The following CNKSR2 variants were observed in gnomAD, a reference collection of about 807,000 sequenced individuals.
CNKSR2 encodes connector enhancer of kinase suppressor of Ras 2.
In CNKSR2, 14 loss-of-function variants were observed where a neutral mutation model predicts 84.4. That is an observed-to-expected ratio of 0.17 (90% CI 0.11 to 0.26). The LOEUF (loss-of-function observed/expected upper bound fraction) is 0.26. Among genes scored for constraint, CNKSR2 ranks in the 10% least tolerant of loss-of-function variants. The pLI, the probability that CNKSR2 is intolerant of heterozygous loss-of-function variation, is 1.00. For missense variants in CNKSR2, 485 were observed against 771.2 expected (o/e 0.63, Z 4.40); for synonymous variants, 275 against 277.9 (o/e 0.99, Z 0.10).
intron 1 of CNKSR2, among the ~76,000 whole-genome samples, chrX:21,397,446 T>A (rs2090135338): frequency 9.0e-6 from 1 of 111,471 alleles, no homozygotes; most frequent in African/African-American, 3.3e-5. Flanking sequence ...GTCCCTTGTG[T>A]TTTATAATAC....
intron 4 of CNKSR2, among the ~76,000 whole-genome samples, chrX:21,444,289 A>G (rs1388563944): frequency 1.8e-5 from 2 of 111,374 alleles, no homozygotes; most frequent in African/African-American, 6.5e-5. Flanking sequence ...GATTATAGAT[A>G]TTATATTTTA....
chrX:21,599,107 T>C (rs1344777810), intron 17 of CNKSR2, among the ~76,000 whole-genome samples: 1 of 112,437 alleles, frequency 8.9e-6, no homozygotes, highest in Non-Finnish European at 1.9e-5. Flanking sequence ...AACTTTCAAT[T>C]GTCTTGTGAA....
chrX:21,624,378 A>C (rs753907994), intron 20 of CNKSR2, among the ~76,000 whole-genome samples: 1 of 112,135 alleles, frequency 8.9e-6, no homozygotes, highest in African/African-American at 3.2e-5. Context: ...TTGTACTTGC[A>C]ATTGAGTGTA....
At chrX:21,551,890 A>G (rs1183009457) in intron 11 of CNKSR2, among the ~76,000 whole-genome samples, 1 of 111,314 alleles carries the variant, frequency 9.0e-6, no homozygotes, top group African/African-American at 3.3e-5. Flanking sequence ...TTTTTAATTG[A>G]AAGAACCTGG....
chrX:21,585,359 G>A (rs1380727438), intron 13 of CNKSR2, among the ~76,000 whole-genome samples: 2 of 107,184 alleles, frequency 1.9e-5, no homozygotes, highest in African/African-American at 3.4e-5. Context: ...AACTGTCAGG[G>A]GGTATTTCAG....
rs1467205335 is a variant in CNKSR2, at chrX:21,484,976, G to A, written c.562-5483G>A. 3.6e-5 allele frequency among the ~76,000 whole-genome samples: 4 copies of A among 111,654 alleles called. No individual in the cohort carries two copies. The Admixed American group carries it at 3.8e-4, about 11-fold the overall frequency. On this transcript the variant is annotated intron_variant, in intron 5 of 21. Coordinates refer to ENST00000379510, the MANE Select transcript of CNKSR2 (RefSeq NM_014927.5). ...AGGCAGGCGAATCATGAGGTCAGGA[G>A]TTCGAGACCAGCCAGGCCAACATGG...
At chrX:21,588,891 G>GA (rs756671860) in intron 13 of CNKSR2, among the ~76,000 whole-genome samples, 3 of 111,012 alleles carry the variant, frequency 2.7e-5, no homozygotes, top group African/African-American at 6.5e-5. Flanking sequence ...AATACAAAGG[G>GA]AAAAAAAACC....
chrX:21,446,619 A>T (rs145987879), intron 4 of CNKSR2, among the ~76,000 whole-genome samples: 3,286 of 111,356 alleles, frequency 0.03, 123 homozygotes, highest in African/African-American at 0.1. Context: ...ATTAATATGG[A>T]TGCTGAAATA....
At position 21,390,535 on chromosome X, in the gene CNKSR2, A is replaced by G. The variant is rs149468515; in HGVS notation, c.64+15574A>G. 9.5e-3 allele frequency among the ~76,000 whole-genome samples: 1,056 copies of G among 111,174 alleles called. 11 individuals carry two copies. The highest frequency in any genetic ancestry group is 0.031 in the African/African-American group (956 of 30,498). On this transcript the variant is annotated intron_variant, in intron 1 of 21. Transcript: ENST00000379510. Reference sequence around the variant, plus strand: ...ACACACTTTGAAACAACCAGGTCTCATGAGCACTCACTCACTATCACGAGA... The same window carrying G: ...ACACACTTTGAAACAACCAGGTCTCGTGAGCACTCACTCACTATCACGAGA...
chrX:21,466,378 A>G (rs986855260), intron 4 of CNKSR2, among the ~76,000 whole-genome samples: 2 of 111,564 alleles, frequency 1.8e-5, no homozygotes, highest in African/African-American at 3.3e-5. Flanking sequence ...AGAAGCAAGT[A>G]TTTTAAAATC....
intron 2 of CNKSR2, among the ~76,000 whole-genome samples, chrX:21,430,145 T>C (rs2147062733): frequency 9.0e-6 from 1 of 111,419 alleles, no homozygotes; most frequent in East Asian, 2.8e-4. Flanking sequence ...TCTTTTTTCC[T>C]CTGCATTTCT....
At chrX:21,425,426 C>G (rs1480132296) in intron 1 of CNKSR2, 1 of 112,000 alleles carries the variant, frequency 8.9e-6, no homozygotes, top group African/African-American at 3.2e-5. Context: ...TAGACCCTGT[C>G]AGGAATCACA....
At chrX:21,506,780 A>AT (rs1172542061) in intron 8 of CNKSR2, 1 of 111,083 alleles carries the variant, frequency 9.0e-6, no homozygotes, top group Non-Finnish European at 1.9e-5. Context: ...TTACTGTTTC[A>AT]TTTTTTATGA....
intron 18 of CNKSR2, among the ~76,000 whole-genome samples, chrX:21,602,389 G>A (rs1335462313): frequency 2.7e-5 from 3 of 111,167 alleles, no homozygotes; most frequent in East Asian, 2.8e-4. Context: ...CCAAACCCCC[G>A]GGCTCAAGCG....
intron 4 of CNKSR2, among the ~76,000 whole-genome samples, chrX:21,450,230 G>A (rs746730209): frequency 9.0e-6 from 1 of 111,485 alleles, no homozygotes; most frequent in South Asian, 3.7e-4. Flanking sequence ...GGTACTCGGC[G>A]TTAGTACTAG....
rs185520437 is a variant in CNKSR2, at chrX:21,422,509, A to G, written c.65-3988A>G. 4.3e-4 allele frequency among the ~76,000 whole-genome samples: 48 copies of G among 112,361 alleles called. 2 individuals carry two copies. The highest frequency in any genetic ancestry group is 4.1e-3 in the Admixed American group (44 of 10,628). On this transcript the variant is annotated intron_variant, in intron 1 of 21. Transcript: ENST00000379510. ...ATTATAAACCCTGTTGATAGACTGTAACATCCTTAAAGTCAGCAAAGATAA... is the reference window on the plus strand; with the variant it reads ...ATTATAAACCCTGTTGATAGACTGTGACATCCTTAAAGTCAGCAAAGATAA...
chrX:21,525,028 G>A (rs2091821502), intron 9 of CNKSR2, among the ~76,000 whole-genome samples: 1 of 110,809 alleles, frequency 9.0e-6, no homozygotes, highest in Non-Finnish European at 1.9e-5. Flanking sequence ...CTTTTGGTCA[G>A]ATTTATTGTT....
chrX:21,587,907 T>G (rs955434879), intron 13 of CNKSR2, among the ~76,000 whole-genome samples: 2 of 111,554 alleles, frequency 1.8e-5, no homozygotes, highest in Non-Finnish European at 3.8e-5. Context: ...CTAGGATTTA[T>G]TAACAGTGAA....
rs776655486 is a variant in CNKSR2 at position 21,449,925 on chromosome X, A to G, written c.519+9144A>G. Among the ~76,000 whole-genome samples, 11 of 112,291 alleles carry G rather than the reference A, an allele frequency of 9.8e-5. No individual in the cohort carries two copies. The East Asian group carries it at 2.0e-3, about 20-fold the overall frequency. ...TCCCTTTAAAAAATGGCAGGTATAT[A>G]TTTGGAAATCATAATACAGTCTGCC... On this transcript the variant is annotated intron_variant, in intron 4 of 21. Transcript: ENST00000379510.
Sources: allele counts gnomAD v4.1 joint callset (sites outside exome capture counted in the v4.1 genomes callset), GRCh38; gene constraint gnomAD v4.1.1; transcripts MANE v1.5; gene names NCBI Gene and HGNC (gene_info 2026-07-23, HGNC 2026-07-21).